The following TSHZ2 variants were observed in gnomAD, a reference collection of about 807,000 sequenced individuals.
TSHZ2 encodes the protein teashirt homolog 2.
A neutral mutation model predicts 74.4 loss-of-function variants in TSHZ2; 21 were observed. The ratio of observed to expected loss-of-function variants is 0.28; its 90% CI spans 0.20 to 0.41. The LOEUF is 0.41. Ranked by LOEUF, TSHZ2 falls within the 10% of genes least tolerant of loss-of-function variation. The pLI is 1.00. For missense variants in TSHZ2, 1,244 were observed against 1,293.5 expected (o/e 0.96, Z 0.59); for synonymous variants, 540 against 515.3 (o/e 1.05, Z -0.65).
chr20:53,430,661 C>G (rs1178974078), intron 2 of TSHZ2, among the ~76,000 whole-genome samples: 1 of 151,864 alleles, frequency 6.6e-6, no homozygotes, highest in Non-Finnish European at 1.5e-5. Context: ...GAGACCCCAT[C>G]TCTTCTAAAA....
chr20:53,327,082 G>A (rs1048739402), intron 2 of TSHZ2, among the ~76,000 whole-genome samples: 4 of 152,226 alleles, frequency 2.6e-5, no homozygotes, highest in Non-Finnish European at 5.9e-5. Context: ...TGAGGACATA[G>A]ATGAGAGTGC....
chr20:53,440,001 A>G (rs1984251078), intron 2 of TSHZ2, among the ~76,000 whole-genome samples: 1 of 152,186 alleles, frequency 6.6e-6, no homozygotes, highest in African/African-American at 2.4e-5. Flanking sequence ...CAGGAATTCA[A>G]TTATTTTTAT....
chr20:53,064,857 G>A (rs1410352006), intron 1 of TSHZ2, among the ~76,000 whole-genome samples: 2 of 152,182 alleles, frequency 1.3e-5, no homozygotes, highest in Admixed American at 1.3e-4. Context: ...CAAATCCCCA[G>A]TGTGAGGAGC....
chr20:53,099,034 G>A lies in TSHZ2; in HGVS notation c.40+125701G>A, dbSNP rs866398091. On this transcript the variant is annotated intron_variant, in intron 1 of 2. Coordinates refer to ENST00000371497, the MANE Select transcript of TSHZ2 (RefSeq NM_173485.6). The stretch of plus-strand genomic sequence containing the variant: ...CCTAGGTGCTTGGACCACCTTTGAT[G>A]CCATCTTGTGGTCCTACATATAATT... 2.6e-5 allele frequency among the ~76,000 whole-genome samples: 4 copies of A among 152,140 alleles called. No homozygotes were observed. The South Asian group carries it at 6.2e-4, about 24-fold the overall frequency.
rs75015256 is a variant in TSHZ2 at position 53,212,712 on chromosome 20, C to T, written c.41-40787C>T. On this transcript the variant is annotated intron_variant, in intron 1 of 2. Coordinates refer to ENST00000371497, the MANE Select transcript of TSHZ2 (RefSeq NM_173485.6). ...GAAGTCAACCCACTTTCCTCTGTGC[C>T]GGCTTCATTTACAAAAGATTCTCTC... Among the ~76,000 whole-genome samples the T allele has an allele frequency of 1.2e-3, 189 of 152,252 alleles. No homozygotes were observed. The East Asian group carries it at 0.018, about 15-fold the overall frequency.
chr20:53,160,508 C>A (rs965717802), intron 1 of TSHZ2, among the ~76,000 whole-genome samples: 3 of 152,194 alleles, frequency 2.0e-5, no homozygotes, highest in South Asian at 4.1e-4. Context: ...GTGGCTCATG[C>A]CTGTAATTCC....
chr20:53,393,665 A>AACACAC lies in TSHZ2; in HGVS notation c.*9-93457_*9-93452dup, dbSNP rs113428598. Among the ~76,000 whole-genome samples the AACACAC allele has an allele frequency of 6.6e-3, 987 of 148,532 alleles. 7 individuals carry two copies. Among genetic ancestry groups the AACACAC allele is most frequent in the South Asian group, 0.025 (115 of 4,616 alleles). On this transcript the variant is annotated intron_variant, in intron 2 of 2. Transcript: ENST00000371497. The stretch of plus-strand genomic sequence containing the variant: ...AAAGTTGCATAGAACTACACACGCA[A>AACACAC]ACACACACACACACACACACACACA...
chr20:53,436,545 A>ATTT (rs1430483512), intron 2 of TSHZ2, among the ~76,000 whole-genome samples: 4 of 101,984 alleles, frequency 3.9e-5, no homozygotes, highest in African/African-American at 1.2e-4. Flanking sequence ...TATTATTATT[A>ATTT]TTATTTTTTT....
intron 2 of TSHZ2, among the ~76,000 whole-genome samples, chr20:53,390,030 C>T (rs1414563007): frequency 6.6e-6 from 1 of 152,210 alleles, no homozygotes; most frequent in Non-Finnish European, 1.5e-5. Flanking sequence ...TATTTGGAAT[C>T]CCTGTTCCTT....
At chr20:53,401,786 T>TC (rs1982673397) in intron 2 of TSHZ2, among the ~76,000 whole-genome samples, 1 of 145,600 alleles carries the variant, frequency 6.9e-6, no homozygotes, top group Non-Finnish European at 1.5e-5. Flanking sequence ...TTTTTTTTTT[T>TC]TTTTTTTTTT....
At chr20:53,056,786 T>G (rs1984654078) in intron 1 of TSHZ2, among the ~76,000 whole-genome samples, 2 of 152,328 alleles carry the variant, frequency 1.3e-5, no homozygotes, top group Middle Eastern at 3.4e-3. Context: ...GAACTCCTTT[T>G]GTCTGTTCCT....
Position 53,224,486 on chromosome 20 carries a change from ATGT to A in TSHZ2, c.41-29006_41-29004del, listed in dbSNP as rs750853772. Among the ~76,000 whole-genome samples the A allele has an allele frequency of 6.2e-4, 94 of 152,318 alleles. No individual in the cohort carries two copies. The Middle Eastern group carries it at 0.01, about 17-fold the overall frequency. ...GAATAAGAACAGAACTGTTCTCATG[ATGT>A]TGTTGTGAAGCTATGATGGGAGAAT... On this transcript the variant is annotated intron_variant, in intron 1 of 2. Transcript: ENST00000371497.
intron 2 of TSHZ2, among the ~76,000 whole-genome samples, chr20:53,441,222 TTTATTTTA>T (rs1214310683): frequency 2.4e-4 from 2 of 8,472 alleles, no homozygotes; most frequent in African/African-American, 9.1e-4. Context: ...TATTTATTTG[TTTATTTTA>T]TTTTATTTTA....
At chr20:53,283,609 T>C (rs1298297025) in intron 2 of TSHZ2, among the ~76,000 whole-genome samples, 1 of 152,234 alleles carries the variant, frequency 6.6e-6, no homozygotes, top group Non-Finnish European at 1.5e-5. Flanking sequence ...GTAAGAAGAA[T>C]AAACATATAC....
At chr20:53,415,782 ATGTG>A (rs1019654623) in intron 2 of TSHZ2, among the ~76,000 whole-genome samples, 956 of 34,326 alleles carry the variant, frequency 0.028, 9 homozygotes, top group African/African-American at 0.08. Flanking sequence ...CTATAAATGT[ATGTG>A]TGTGTGTAGA....
chr20:53,151,481 AAG>A (rs1263006876), intron 1 of TSHZ2, among the ~76,000 whole-genome samples: 1 of 152,198 alleles, frequency 6.6e-6, no homozygotes, highest in Non-Finnish European at 1.5e-5. Context: ...AGATCTTAGA[AAG>A]AGAATATGGT....
At position 53,255,153 on chromosome 20, in the gene TSHZ2, G is replaced by A. The variant is rs1234299306; in HGVS notation, c.1695G>A (p.Leu565=). The change falls in exon 2 of 3, where the codon CTG becomes CTA. Residue 565 remains leucine (L), a synonymous_variant. Transcript: ENST00000371497. The surrounding 1 kb of genome is among the most constrained non-coding windows in gnomAD (Gnocchi z 4.1). The part of the protein sequence containing the change: ...KPPLPMGSQV[L]QIRPNLTNKL... Reference sequence around the variant, plus strand: ...CTTTGCCTATGGGATCCCAGGTACTGCAGATCCGGCCTAATCTCACCAACA... The same window carrying A: ...CTTTGCCTATGGGATCCCAGGTACTACAGATCCGGCCTAATCTCACCAACA... The A allele has an allele frequency of 6.2e-6, 10 of 1,614,046 alleles. No homozygotes were observed. Among genetic ancestry groups the A allele is most frequent in the Non-Finnish European group, 7.6e-6 (9 of 1,180,042 alleles).
chr20:53,006,411 G>A (rs1029141425), intron 1 of TSHZ2, among the ~76,000 whole-genome samples: 1 of 152,236 alleles, frequency 6.6e-6, no homozygotes, highest in African/African-American at 2.4e-5. Context: ...ATTTGCAATA[G>A]GAGCACAGGC....
Position 53,250,901 on chromosome 20 carries a change from TTGTGTGTGTGTG to T in TSHZ2, c.41-2580_41-2569del, listed in dbSNP as rs11472057. Among the ~76,000 whole-genome samples the T allele has an allele frequency of 4.1e-3, 609 of 148,990 alleles. 6 individuals carry two copies. The highest frequency in any genetic ancestry group is 0.014 in the African/African-American group (585 of 40,470). ...AAAATGACTATACTGGGTGGGCAGA[TTGTGTGTGTGTG>T]TGTGTGTGTGTGTGTGTATGCACAG... On this transcript the variant is annotated intron_variant, in intron 1 of 2. Coordinates refer to ENST00000371497, the MANE Select transcript of TSHZ2 (RefSeq NM_173485.6).
Sources: allele counts gnomAD v4.1 joint callset (sites outside exome capture counted in the v4.1 genomes callset), GRCh38; gene constraint gnomAD v4.1.1; non-coding constraint Gnocchi (gnomAD v3.1); transcripts MANE v1.5; gene names NCBI Gene and HGNC (gene_info 2026-07-23, HGNC 2026-07-21).